The following SPTAN1 variants were observed in gnomAD, a reference collection of about 807,000 sequenced individuals.
SPTAN1 encodes the protein spectrin alpha chain, non-erythrocytic 1.
SPTAN1 carries 61 observed loss-of-function variants against 331.3 expected under a neutral mutation model. That is an observed-to-expected ratio of 0.18 (90% CI 0.15 to 0.23). The LOEUF is 0.23. Among genes scored for constraint, SPTAN1 ranks in the 10% least tolerant of loss-of-function variants. The pLI, the probability that SPTAN1 is intolerant of heterozygous loss-of-function variation, is 1.00. For missense variants in SPTAN1, 2,043 were observed against 3,147.9 expected, an observed-to-expected ratio of 0.65 and a Z score of 8.40; for synonymous variants, 1,153 against 1,173.9, an observed-to-expected ratio of 0.98 and a Z score of 0.36.
Position 128,625,910 on chromosome 9 carries a change from A to C in SPTAN1, c.6211A>C (p.Ser2071Arg), listed in dbSNP as rs372214130. 1 of 1,614,208 alleles carries C rather than the reference A, an allele frequency of 6.2e-7. No homozygotes were observed. The highest frequency in any genetic ancestry group is 8.5e-7 in the Non-Finnish European group (1 of 1,180,046). The change falls in exon 48 of 57, where the codon AGC becomes CGC. Residue 2071 changes from serine to arginine, a missense_variant. Ser to Arg is a moderately radical substitution (Grantham distance 110). Transcript: ENST00000372739. This position sits in a 1 kb window ranked among gnomAD's most constrained non-coding sequence, Gnocchi z 4.1. The stretch of plus-strand genomic sequence containing the variant: ...GCACGCCTCCCTCATGAAGAGGTGG[A>C]GCCAGCTTCTGGCCAACTCAGCCGC... ...ARHASLMKRW[S>R]QLLANSAARK...
rs149176069 is a variant in SPTAN1 at position 128,556,288 on chromosome 9, C to T, written c.-4+3592C>T. Among the ~76,000 whole-genome samples the T allele has an allele frequency of 2.4e-3, 363 of 151,076 alleles. 9 individuals carry two copies. In the East Asian group the frequency reaches 0.039, roughly 16 times the overall value. ...TGTGTACAGTCTTTGTTTTCTAAGT[C>T]GGACCTTTTTCACAAAAAAAAAATT... On this transcript the variant is annotated intron_variant, in intron 1 of 56. Transcript: ENST00000372739.
At position 128,604,307 on chromosome 9, in the gene SPTAN1, A is replaced by T. The variant is rs1054939979; in HGVS notation, c.3628-19A>T. ...CAGGAGAGGGAGTGCAGTGGAGCTG[A>T]TGTTTTGCTGTCCTGCAGGAGCTGA... On this transcript the variant is annotated intron_variant, in intron 28 of 56. Transcript: ENST00000372739. 1 of 1,613,418 alleles carries T rather than the reference A, an allele frequency of 6.2e-7. No individual in the cohort carries two copies. The highest frequency in any genetic ancestry group is 8.5e-7 in the Non-Finnish European group (1 of 1,179,490).
At chr9:128,605,794 C>G (rs1855759702) in intron 31 of SPTAN1, among the ~76,000 whole-genome samples, 1 of 152,152 alleles carries the variant, frequency 6.6e-6, no homozygotes, top group East Asian at 1.9e-4. Context: ...GAGTTCAAGA[C>G]CAGCCTGGCC....
chr9:128,603,768 G>A (rs1855472553), intron 28 of SPTAN1, among the ~76,000 whole-genome samples, 178 bp downstream of exon 28: 1 of 152,224 alleles, frequency 6.6e-6, no homozygotes, highest in Non-Finnish European at 1.5e-5. Flanking sequence ...GGGTAGCTTG[G>A]TGGCTTTCCT....
In SPTAN1 at chr9:128,578,390, C is replaced by A. The variant is rs1851549186; in HGVS notation, c.1221+145C>A. 3 of 1,069,238 alleles carry A rather than the reference C, an allele frequency of 2.8e-6. No homozygotes were observed. In the Admixed American group the frequency reaches 6.0e-5, roughly 21 times the overall value. The allele number at this position is 1,069,238 out of a possible 1,614,324, so 66.2% of individuals were successfully genotyped here. ...ATCATGAGGATTATGGTTGGTTTTG[C>A]CTTTGGAGACCTGGTCTACCTGCTT... On this transcript the variant is annotated intron_variant, in intron 9 of 56. Transcript: ENST00000372739.
chr9:128,625,769 G>T lies in SPTAN1; in HGVS notation c.6070G>T (p.Glu2024Ter). 1 of 1,613,958 alleles carries T rather than the reference G, an allele frequency of 6.2e-7. No homozygotes were observed. The change falls in exon 48 of 57, where the codon GAA (glutamate) becomes TAA (stop). Residue 2024 changes from glutamate (E) to a stop codon, truncating the protein, a stop_gained and splice_region_variant. Transcript: ENST00000372739. LOFTEE classifies it high-confidence loss of function. The surrounding 1 kb of genome is among the most constrained non-coding windows in gnomAD (Gnocchi z 4.1). ...SSVQTLLTKQ[E>*]TFDAGLQAFQ... ...AATTGGCTTGTCACTCCTTGTTCAG[G>T]AAACTTTTGACGCTGGGCTGCAGGC...
intron 51 of SPTAN1, chr9:128,628,853 C>A: frequency 3.0e-6 from 1 of 337,216 alleles, no homozygotes; most frequent in Non-Finnish European, 5.3e-6. Flanking sequence ...CCCCTCCCTG[C>A]CCCATGCCTG....
At chr9:128,582,601 T>C in intron 13 of SPTAN1, 45 bp downstream of exon 13, 1 of 1,611,524 alleles carries the variant, frequency 6.2e-7, no homozygotes, top group Non-Finnish European at 8.5e-7. Flanking sequence ...GGTACATGAA[T>C]GTCTCTTCTA....
chr9:128,568,975 G>A, intron 3 of SPTAN1, 78 bp downstream of exon 3: 4 of 1,598,550 alleles, frequency 2.5e-6, no homozygotes, highest in Middle Eastern at 1.7e-4. Context: ...TGTCAGTTTG[G>A]GTTCCCAAAA....
chr9:128,593,146 G>C, intron 23 of SPTAN1, 104 bp downstream of exon 23: 1 of 1,273,086 alleles, frequency 7.9e-7, no homozygotes, highest in Non-Finnish European at 1.1e-6. Flanking sequence ...AGAAAGATGA[G>C]GTGGTGGGAG....
chr9:128,601,005 A>C (rs1394481437), intron 27 of SPTAN1, among the ~76,000 whole-genome samples: 1 of 4,696 alleles, frequency 2.1e-4, no homozygotes, highest in Non-Finnish European at 2.6e-3. Flanking sequence ...TTTTTTTGAG[A>C]CGGAGTCTCG....
chr9:128,558,482 G>A (rs1848914725), intron 1 of SPTAN1, among the ~76,000 whole-genome samples: 1 of 152,212 alleles, frequency 6.6e-6, no homozygotes, highest in Non-Finnish European at 1.5e-5. Flanking sequence ...GGCAAAATCA[G>A]AGACAGTTGG....
chr9:128,589,001 A>G (rs1853067475), intron 21 of SPTAN1, 58 bp downstream of exon 21: 1 of 1,602,740 alleles, frequency 6.2e-7, no homozygotes, highest in South Asian at 1.1e-5. Flanking sequence ...ACGTATGCTC[A>G]GTTGGGTTTC....
Position 128,607,651 on chromosome 9 carries a change from A to G in SPTAN1, c.4094A>G (p.Asp1365Gly), listed in dbSNP as rs1175320305. The G allele has an allele frequency of 6.2e-7, 1 of 1,614,058 alleles. No individual in the cohort carries two copies. The highest frequency in any genetic ancestry group is 8.5e-7 in the Non-Finnish European group (1 of 1,180,010). The part of the protein sequence containing the change: ...INGIRGLVSS[D>G]ELAKDVTGAE... ...GGAATACGGGGGTTGGTGTCCTCAG[A>G]TGAGCTAGCCAAGGATGTCACCGGA... Residue 1365 changes from aspartate to glycine, a missense_variant, in exon 32 of 57, where the codon GAT becomes GGT. Physicochemically the swap from Asp to Gly is moderately conservative, Grantham distance 94. Around this residue, in one of 12 missense-constraint regions of SPTAN1, gnomAD observed 179 missense variants for 215.7 expected, o/e 0.83. Transcript: ENST00000372739.
In SPTAN1 at chr9:128,607,985, G is replaced by A. The variant is rs762216368; in HGVS notation, c.4280G>A (p.Arg1427His). The change falls in exon 33 of 57, where the codon CGT becomes CAT. Residue 1427 changes from arginine (R) to histidine (H), a missense_variant. Around this residue, in one of 12 missense-constraint regions of SPTAN1, gnomAD observed 179 missense variants for 215.7 expected, o/e 0.83. Coordinates refer to ENST00000372739, the MANE Select transcript of SPTAN1 (RefSeq NM_001130438.3). ...AAACTTGATATTCTTGACCAGGAGCGTGCAGACCTGGAGAAGGCCTGGGTT... is the reference window on the plus strand; with the variant it reads ...AAACTTGATATTCTTGACCAGGAGCATGCAGACCTGGAGAAGGCCTGGGTT... ...KQKLDILDQE[R>H]ADLEKAWVQR... 33 of 1,613,994 alleles carry A rather than the reference G, an allele frequency of 2.0e-5. No homozygotes were observed. The highest frequency in any genetic ancestry group is 2.4e-5 in the Non-Finnish European group (28 of 1,180,036).
intron 12 of SPTAN1, 100 bp from the exon 13 acceptor site, chr9:128,582,378 GT>G (rs1852051437): frequency 4.9e-6 from 5 of 1,023,164 alleles, no homozygotes; most frequent in African/African-American, 1.6e-5. Context: ...CTATGTTAAA[GT>G]TTGGTGTGTT....
chr9:128,582,758 C>G lies in SPTAN1; in HGVS notation c.1715C>G (p.Ser572Cys). The G allele has an allele frequency of 6.2e-7, 1 of 1,614,104 alleles. No individual in the cohort carries two copies. Among genetic ancestry groups the G allele is most frequent in the Non-Finnish European group, 8.5e-7 (1 of 1,180,032 alleles). Residue 572 changes from serine (S) to cysteine (C), a missense_variant, in exon 14 of 57, where the codon TCT (serine) becomes TGT (cysteine). Transcript: ENST00000372739. ...CGTCGCCGGGCCCAGCTAGCCGATT[C>G]TTTCCATCTGCAGCAGTTTTTCCGT... ...AMRRRAQLAD[S>C]FHLQQFFRDS...
In SPTAN1 at chr9:128,607,893, G is replaced by A. The variant is rs763156575; in HGVS notation, c.4188G>A (p.Gln1396=). ...TCGATGCCAGGGCTGGCACTTTCCA[G>A]GCATTTGAGCAGTTTGGACAGCAGC... is the stretch of plus-strand genomic sequence containing the variant. ...TEIDARAGTF[Q]AFEQFGQQLL... The change falls in exon 33 of 57, where the codon CAG becomes CAA. Residue 1396 remains glutamine, a synonymous_variant. Coordinates refer to ENST00000372739, the MANE Select transcript of SPTAN1 (RefSeq NM_001130438.3). The A allele has an allele frequency of 2.3e-5, 37 of 1,613,986 alleles. No individual in the cohort carries two copies. Among genetic ancestry groups the A allele is most frequent in the Non-Finnish European group, 3.1e-5 (36 of 1,180,036 alleles).
At chr9:128,566,103 G>A (rs1850004487) in intron 1 of SPTAN1, among the ~76,000 whole-genome samples, 1 of 152,146 alleles carries the variant, frequency 6.6e-6, no homozygotes. Flanking sequence ...GTCACCCAGG[G>A]CGGAGCGCAG....
Sources: allele counts gnomAD v4.1 joint callset (sites outside exome capture counted in the v4.1 genomes callset), GRCh38; gene constraint gnomAD v4.1.1; regional missense constraint gnomAD v4.1.1; non-coding constraint Gnocchi (gnomAD v3.1); transcripts MANE v1.5; gene names NCBI Gene and HGNC (gene_info 2026-07-23, HGNC 2026-07-21).